The following BAIAP2L1 variants were observed in gnomAD, a reference collection of about 807,000 sequenced individuals.
BAIAP2L1 encodes the protein BAR/IMD domain-containing adapter protein 2-like 1.
Under a neutral mutation model 66.3 loss-of-function variants are expected in BAIAP2L1, and 35 were observed. That is an observed-to-expected ratio of 0.53 (90% CI 0.40 to 0.70). The LOEUF is 0.70. Among genes scored for constraint, BAIAP2L1 ranks in the 30% least tolerant of loss-of-function variants. The pLI is 0.00. For synonymous variants in BAIAP2L1, 269 were observed against 248.7 expected, an observed-to-expected ratio of 1.08 and a Z score of -0.77; for missense variants, 622 against 656.9, an observed-to-expected ratio of 0.95 and a Z score of 0.58.
intron 2 of BAIAP2L1, among the ~76,000 whole-genome samples, chr7:98,359,209 G>A (rs887523874): frequency 4.6e-5 from 7 of 151,686 alleles, no homozygotes; most frequent in Non-Finnish European, 7.4e-5. Context: ...ACCCTATCCC[G>A]CCCACGCCCC....
Position 98,293,571 on chromosome 7 carries a change from TCA to T in BAIAP2L1, c.1484_1485del (p.Val495GlufsTer9), listed in dbSNP as rs771644205. 2.4e-5 allele frequency: 38 copies of T among 1,613,942 alleles called. No homozygotes were observed. Among genetic ancestry groups the T allele is most frequent in the Non-Finnish European group, 3.1e-5 (37 of 1,179,914 alleles). On this transcript the variant is annotated frameshift_variant, in exon 14 of 14. Transcript: ENST00000005260. LOFTEE classifies it high-confidence loss of function. ...FLSGENPFAT[V>X]KLRPTVTNDR... Reference sequence around the variant, plus strand: ...TCATTCGTCACAGTCGGGCGGAGTTTCACAGTGGCAAAGGGGTTTTCTCCGCT... The same window carrying T: ...TCATTCGTCACAGTCGGGCGGAGTTTCAGTGGCAAAGGGGTTTTCTCCGCT...
At chr7:98,380,307 T>A (rs1472867983) in intron 1 of BAIAP2L1, among the ~76,000 whole-genome samples, 2 of 152,094 alleles carry the variant, frequency 1.3e-5, no homozygotes, top group Non-Finnish European at 2.9e-5. Flanking sequence ...TCTGTTTTCA[T>A]GCTGCTGATA....
chr7:98,383,403 C>T (rs1032845357), intron 1 of BAIAP2L1, among the ~76,000 whole-genome samples: 1 of 151,638 alleles, frequency 6.6e-6, no homozygotes, highest in Non-Finnish European at 1.5e-5. Flanking sequence ...CCTGCCTCAG[C>T]CTCCCGAGCA....
intron 8 of BAIAP2L1, among the ~76,000 whole-genome samples, chr7:98,311,099 T>C (rs941140100): frequency 6.6e-6 from 1 of 152,256 alleles, no homozygotes; most frequent in Non-Finnish European, 1.5e-5. Flanking sequence ...TACAAATGTG[T>C]GAATTCATTA....
At chr7:98,346,790 T>A (rs1001943777) in intron 3 of BAIAP2L1, among the ~76,000 whole-genome samples, 2 of 151,830 alleles carry the variant, frequency 1.3e-5, no homozygotes, top group Non-Finnish European at 2.9e-5. Flanking sequence ...GACACAGAAA[T>A]GAAATGGGAA....
intron 1 of BAIAP2L1, among the ~76,000 whole-genome samples, chr7:98,393,203 A>G (rs1430262034): frequency 7.5e-6 from 1 of 133,508 alleles, no homozygotes; most frequent in African/African-American, 2.6e-5. Context: ...TTATATATAT[A>G]TGTAATTTTT....
intron 1 of BAIAP2L1, among the ~76,000 whole-genome samples, chr7:98,391,580 C>T (rs966213634): frequency 6.6e-6 from 1 of 151,762 alleles, no homozygotes; most frequent in Non-Finnish European, 1.5e-5. Context: ...GGCATGGTGG[C>T]GGGCACCTGT....
intron 3 of BAIAP2L1, among the ~76,000 whole-genome samples, chr7:98,343,079 C>T (rs1801781709): frequency 6.6e-6 from 1 of 151,578 alleles, no homozygotes; most frequent in South Asian, 2.1e-4. Flanking sequence ...TGAATTTGAC[C>T]CCATGACCTA....
At chr7:98,359,073 C>T (rs1300144073) in intron 2 of BAIAP2L1, among the ~76,000 whole-genome samples, 1 of 152,230 alleles carries the variant, frequency 6.6e-6, no homozygotes, top group Non-Finnish European at 1.5e-5. Context: ...GGGCTGCATC[C>T]AGCCCACAGC....
chr7:98,362,354 T>C lies in BAIAP2L1; in HGVS notation c.127+3A>G. 2.5e-6 allele frequency: 4 copies of C among 1,601,880 alleles called. No homozygotes were observed. Among genetic ancestry groups the C allele is most frequent in the Non-Finnish European group, 3.4e-6 (4 of 1,170,192 alleles). On this transcript the variant is annotated splice_donor_region_variant and intron_variant, in intron 2 of 13. Transcript: ENST00000005260. ...TATAATCAATTCAGAAAAACAGACTTACCGTTTACAGCTTTCTCATAATTT... is the reference window on the plus strand; with the variant it reads ...TATAATCAATTCAGAAAAACAGACTCACCGTTTACAGCTTTCTCATAATTT...
At chr7:98,297,183 G>A (rs889592236) in intron 12 of BAIAP2L1, among the ~76,000 whole-genome samples, 8 of 152,232 alleles carry the variant, frequency 5.3e-5, no homozygotes, top group African/African-American at 1.9e-4. Context: ...GACACATCTT[G>A]TGATCCCCCA....
chr7:98,311,565 A>C lies in BAIAP2L1; in HGVS notation c.807+532T>G, dbSNP rs188331201. On this transcript the variant is annotated intron_variant, in intron 8 of 13. Coordinates refer to ENST00000005260, the MANE Select transcript of BAIAP2L1 (RefSeq NM_018842.5). Reference sequence around the variant, plus strand: ...CAAAAACAAAAAAAATAAAAAAAAAACAGTAAGGATAAAATTTCCAAAACA... The same window carrying C: ...CAAAAACAAAAAAAATAAAAAAAAACCAGTAAGGATAAAATTTCCAAAACA... Among the ~76,000 whole-genome samples, 836 of 151,834 alleles carry C rather than the reference A, an allele frequency of 5.5e-3. 9 individuals carry two copies. Among genetic ancestry groups the C allele is most frequent in the African/African-American group, 0.019 (780 of 41,440 alleles).
At chr7:98,368,058 C>A (rs1802428232) in intron 1 of BAIAP2L1, among the ~76,000 whole-genome samples, 1 of 152,204 alleles carries the variant, frequency 6.6e-6, no homozygotes, top group South Asian at 2.1e-4. Flanking sequence ...CCCTCCTCCT[C>A]ACCAATCCTC....
intron 3 of BAIAP2L1, among the ~76,000 whole-genome samples, chr7:98,321,363 G>A (rs77567600): frequency 9.2e-5 from 14 of 151,974 alleles, no homozygotes; most frequent in Non-Finnish European, 1.8e-4. Context: ...TTTTTCTCAC[G>A]TTAGTTCTTA....
At chr7:98,386,391 C>A (rs529446099) in intron 1 of BAIAP2L1, 1 of 1,592,618 alleles carries the variant, frequency 6.3e-7, no homozygotes, top group Non-Finnish European at 8.5e-7. Context: ...TTCAAACACA[C>A]GACCCTTGAG....
rs1241501838 is a variant in BAIAP2L1 at position 98,390,907 on chromosome 7, GCTCA to G, written c.51+9891_51+9894del. Reference sequence around the variant, plus strand: ...GCTAGAGTGCGGTGGCGTGATTTCAGCTCACTGCTACCTTTGCCTCCCCGGTTCA... The same window carrying G: ...GCTAGAGTGCGGTGGCGTGATTTCAGCTGCTACCTTTGCCTCCCCGGTTCA... On this transcript the variant is annotated intron_variant, in intron 1 of 13. Transcript: ENST00000005260. Among the ~76,000 whole-genome samples, 5 of 152,034 alleles carry G rather than the reference GCTCA, an allele frequency of 3.3e-5. No homozygotes were observed. In the South Asian group the frequency reaches 1.0e-3, roughly 32 times the overall value.
At chr7:98,349,582 C>T (rs1801954057) in intron 3 of BAIAP2L1, among the ~76,000 whole-genome samples, 1 of 152,062 alleles carries the variant, frequency 6.6e-6, no homozygotes, top group Non-Finnish European at 1.5e-5. Flanking sequence ...CTTGAAAAGT[C>T]CCCTGTCAGC....
chr7:98,397,710 A>G (rs1382856290), intron 1 of BAIAP2L1, among the ~76,000 whole-genome samples: 2 of 152,144 alleles, frequency 1.3e-5, no homozygotes, highest in Non-Finnish European at 2.9e-5. Context: ...TTCTACCATG[A>G]GAGCATATAC....
At position 98,320,299 on chromosome 7, in the gene BAIAP2L1, C is replaced by CT. The variant is rs1801207117; in HGVS notation, c.215-2dup. Reference sequence around the variant, plus strand: ...CTTGAAATCTCTATGAGGACATGTCCTGGGAACAAAACCAGATATGTTAGC... The same window carrying CT: ...CTTGAAATCTCTATGAGGACATGTCCTTGGGAACAAAACCAGATATGTTAGC... On this transcript the variant is annotated splice_acceptor_variant, in intron 3 of 13. Transcript: ENST00000005260. LOFTEE classifies it high-confidence loss of function. 6.3e-7 allele frequency: 1 copy of CT among 1,593,254 alleles called. No individual in the cohort carries two copies. The highest frequency in any genetic ancestry group is 1.8e-5 in the Admixed American group (1 of 55,902).
Sources: gnomAD v4.1 joint callset for allele counts (sites outside exome capture counted in the v4.1 genomes callset) on GRCh38, gnomAD v4.1.1 for gene constraint, MANE v1.5 for transcripts, NCBI Gene and HGNC (gene_info 2026-07-23, HGNC 2026-07-21) for gene names.